MTUS1: variants seen among roughly 807,000 people sequenced by gnomAD.
MTUS1 encodes microtubule-associated tumor suppressor 1.
A neutral mutation model predicts 120.8 loss-of-function variants in MTUS1; 109 were observed. That is an observed-to-expected ratio of 0.90 (90% CI 0.77 to 1.06). The LOEUF (loss-of-function observed/expected upper bound fraction) is 1.06. Ranked by LOEUF, MTUS1 falls within the 50% of genes least tolerant of loss-of-function variation. The probability of loss-of-function intolerance (pLI) is 0.00; values close to 1 mark genes in which losing one functional copy is unlikely to be tolerated. For missense variants in MTUS1, 2,210 were observed against 1,486.3 expected, an observed-to-expected ratio of 1.49 and a Z score of -8.01; for synonymous variants, 737 against 550.5, an observed-to-expected ratio of 1.34 and a Z score of -4.74.
intron 2 of MTUS1, among the ~76,000 whole-genome samples, chr8:17,744,492 C>G (rs1586109862): frequency 6.6e-6 from 1 of 152,212 alleles, no homozygotes; most frequent in East Asian, 1.9e-4. Context: ...ATGATCCCAG[C>G]TCAGTGCAAC....
chr8:17,736,550 A>G (rs1035129321), intron 3 of MTUS1, among the ~76,000 whole-genome samples: 4 of 151,340 alleles, frequency 2.6e-5, no homozygotes, highest in Admixed American at 1.3e-4. Flanking sequence ...TAAAAATCTA[A>G]TCTCCTTCAC....
chr8:17,715,777 A>G lies in MTUS1; in HGVS notation c.2574T>C (p.Thr858=), dbSNP rs1822203305. The G allele has an allele frequency of 6.2e-7, 1 of 1,612,358 alleles. No individual in the cohort carries two copies. The highest frequency in any genetic ancestry group is 2.2e-5 in the East Asian group (1 of 44,852). ...CAATGAGGACTGTACCTTTTGGAGG[A>G]GTTTTCATCAAGTGAACATGAGCCC... ...VSRAHVHLMK[T]PPKGPSRKNL... Residue 858 remains threonine, a synonymous_variant, in exon 5 of 15, where the codon ACT becomes ACC. Coordinates refer to ENST00000693296, the MANE Select transcript of MTUS1 (RefSeq NM_001363059.2).
At chr8:17,722,472 C>A (rs889489115) in intron 4 of MTUS1, 1 of 985,136 alleles carries the variant, frequency 1.0e-6, no homozygotes, top group Admixed American at 6.2e-5. Flanking sequence ...TTGTGCCACA[C>A]CTTCAAAATT....
intron 6 of MTUS1, among the ~76,000 whole-genome samples, chr8:17,690,702 G>A (rs905037705): frequency 6.6e-6 from 1 of 152,072 alleles, no homozygotes; most frequent in Non-Finnish European, 1.5e-5. Context: ...TGGAAGAAAC[G>A]TGCCTAGGAC....
chr8:17,676,652 G>T (rs868603567), intron 7 of MTUS1, among the ~76,000 whole-genome samples: 5 of 152,130 alleles, frequency 3.3e-5, no homozygotes, highest in African/African-American at 1.2e-4. Flanking sequence ...TGCAACGGAG[G>T]AAAGAAAAAA....
At chr8:17,723,634 T>A in intron 4 of MTUS1, 38 bp downstream of exon 4, 1 of 1,590,300 alleles carries the variant, frequency 6.3e-7, no homozygotes, top group Non-Finnish European at 8.6e-7. Flanking sequence ...TAATGACTGT[T>A]TCCACAACCC....
intron 2 of MTUS1, among the ~76,000 whole-genome samples, chr8:17,750,330 G>C (rs1285901928): frequency 6.6e-6 from 1 of 152,188 alleles, no homozygotes; most frequent in Non-Finnish European, 1.5e-5. Flanking sequence ...TTAAATTAAA[G>C]CTGGCTAAAT....
chr8:17,655,744 C>A (rs1011985339), intron 9 of MTUS1, 119 bp downstream of exon 9: 50 of 870,592 alleles, frequency 5.7e-5, no homozygotes, highest in South Asian at 4.8e-4. Context: ...TAAACAACAA[C>A]AACATGCTTT....
chr8:17,709,609 A>G (rs560559327), intron 6 of MTUS1, among the ~76,000 whole-genome samples: 5 of 152,252 alleles, frequency 3.3e-5, no homozygotes, highest in South Asian at 2.1e-4. Flanking sequence ...GACACATGAC[A>G]TAATAAGGCA....
At chr8:17,723,627 T>C (rs772268778) in intron 4 of MTUS1, 45 bp downstream of exon 4, 1 of 1,575,806 alleles carries the variant, frequency 6.3e-7, no homozygotes, top group South Asian at 1.1e-5. Context: ...TTTCTTGTAA[T>C]GACTGTTTCC....
At chr8:17,658,047 A>ACACACACG (rs1554461833) in intron 8 of MTUS1, among the ~76,000 whole-genome samples, 2 of 151,364 alleles carry the variant, frequency 1.3e-5, no homozygotes, top group African/African-American at 4.9e-5. Context: ...ACACACACAC[A>ACACACACG]CACACACACA....
intron 2 of MTUS1, 93 bp from the exon 3 acceptor site, chr8:17,743,892 C>G (rs1473448858): frequency 9.2e-7 from 1 of 1,085,672 alleles, no homozygotes; most frequent in Non-Finnish European, 1.3e-6. Context: ...CAAGGCAATT[C>G]CAAAGAAACC....
chr8:17,723,539 C>A (rs765889360), intron 4 of MTUS1, 133 bp downstream of exon 4: 2 of 885,810 alleles, frequency 2.3e-6, no homozygotes, highest in Non-Finnish European at 3.7e-6. Flanking sequence ...ACTTTCAGAG[C>A]AACTCCAAGG....
chr8:17,691,409 A>G (rs904833102), intron 6 of MTUS1: 1 of 152,262 alleles, frequency 6.6e-6, no homozygotes, highest in African/African-American at 2.4e-5. Context: ...CTACAGCTCT[A>G]AAACCGCCAC....
intron 6 of MTUS1, chr8:17,697,132 C>G (rs1055546243): frequency 1.6e-6 from 2 of 1,228,060 alleles, no homozygotes; most frequent in Non-Finnish European, 2.2e-6. Context: ...TAAGCCTCAT[C>G]TCTCATTAGA....
chr8:17,756,889 C>T (rs1326947273), intron 1 of MTUS1, among the ~76,000 whole-genome samples: 3 of 152,126 alleles, frequency 2.0e-5, no homozygotes, highest in African/African-American at 7.2e-5. Flanking sequence ...AAAAACCAAA[C>T]CCTGAAAAGA....
chr8:17,659,098 T>C (rs1457548249), intron 8 of MTUS1, among the ~76,000 whole-genome samples: 1 of 152,124 alleles, frequency 6.6e-6, no homozygotes, highest in Non-Finnish European at 1.5e-5. Context: ...AGAGGCTAAA[T>C]CATCTGCCCA....
At chr8:17,744,024 C>T (rs954674202) in intron 2 of MTUS1, among the ~76,000 whole-genome samples, 5 of 152,176 alleles carry the variant, frequency 3.3e-5, no homozygotes, top group African/African-American at 9.7e-5. Context: ...TTAAGTCAGA[C>T]AAAACAGACT....
intron 5 of MTUS1, among the ~76,000 whole-genome samples, chr8:17,713,623 C>G (rs770115279): frequency 1.3e-5 from 2 of 152,146 alleles, no homozygotes; most frequent in Admixed American, 1.3e-4. Context: ...CCAGACTTCA[C>G]GAAGGACAGT....
Sources: allele counts gnomAD v4.1 joint callset (sites outside exome capture counted in the v4.1 genomes callset), GRCh38; gene constraint gnomAD v4.1.1; transcripts MANE v1.5; gene names NCBI Gene and HGNC (gene_info 2026-07-23, HGNC 2026-07-21).